Variants in NSG1 observed in about 807,000 individuals in gnomAD.
NSG1 encodes the protein neuronal vesicle trafficking associated 1.
In NSG1, 9 loss-of-function variants were observed where a neutral mutation model predicts 19.3. The observed-to-expected ratio is 0.47, with a 90% CI of 0.28 to 0.81. The LOEUF is 0.81. NSG1 is among the 40% of genes least tolerant of loss of function. The probability of loss-of-function intolerance (pLI) is 0.11; values close to 1 mark genes in which losing one functional copy is unlikely to be tolerated. For missense variants in NSG1, 236 were observed against 242.4 expected (o/e 0.97, Z 0.18); for synonymous variants, 104 against 107.0 (o/e 0.97, Z 0.17).
intron 3 of NSG1, among the ~76,000 whole-genome samples, chr4:4,407,876 G>A (rs1235887429): frequency 1.3e-5 from 2 of 152,170 alleles, no homozygotes; most frequent in African/African-American, 4.8e-5. Context: ...TCTGCACCCT[G>A]GGCCCTGGTG....
intron 2 of NSG1, among the ~76,000 whole-genome samples, chr4:4,391,133 T>C (rs543100293): frequency 1.8e-4 from 27 of 152,280 alleles, no homozygotes; most frequent in Admixed American, 1.2e-3. Flanking sequence ...CAAGCCAGGC[T>C]TTGGCTCTGG....
chr4:4,398,658 C>T (rs77199600), intron 3 of NSG1, among the ~76,000 whole-genome samples: 1,952 of 152,240 alleles, frequency 0.013, 39 homozygotes, highest in African/African-American at 0.044. Flanking sequence ...TCCATTGTAC[C>T]GATAGACCAC....
chr4:4,417,221 C>T lies in NSG1; in HGVS notation c.358-14C>T. ...TGCACCGACGCGTGCTCTCAGTGGC[C>T]TCTTGTCTTTCAGAACACCCAGTGC... On this transcript the variant is annotated splice_polypyrimidine_tract_variant and intron_variant, in intron 4 of 4. Transcript: ENST00000621129. 1.2e-6 allele frequency: 2 copies of T among 1,613,138 alleles called. No individual in the cohort carries two copies. The highest frequency in any genetic ancestry group is 1.7e-6 in the Non-Finnish European group (2 of 1,179,692).
intron 4 of NSG1, chr4:4,415,993 G>C: frequency 3.0e-6 from 2 of 666,226 alleles, no homozygotes; most frequent in South Asian, 1.7e-5. Flanking sequence ...CTGAGATCAA[G>C]ACGCTGTTGA....
In NSG1 at chr4:4,387,711, A is replaced by T; in HGVS notation, c.82A>T (p.Met28Leu). 1.9e-6 allele frequency: 3 copies of T among 1,613,454 alleles called. No homozygotes were observed. The highest frequency in any genetic ancestry group is 2.5e-6 in the Non-Finnish European group (3 of 1,179,534). Residue 28 changes from methionine to leucine, a missense_variant, in exon 2 of 5, where the codon ATG (methionine) becomes TTG (leucine). Physicochemically the swap from Met to Leu is conservative, Grantham distance 15 (BLOSUM62 2). Transcript: ENST00000621129. The stretch of plus-strand genomic sequence containing the variant: ...GGATGGCTTCGACACCATTCCCCTG[A>T]TGACGCCCCTCGATGTCAATCAGCT... ...LEDGFDTIPL[M>L]TPLDVNQLQF...
intron 2 of NSG1, among the ~76,000 whole-genome samples, chr4:4,390,514 G>A (rs902585928): frequency 6.6e-6 from 1 of 152,230 alleles, no homozygotes; most frequent in African/African-American, 2.4e-5. Flanking sequence ...CCACCATCGT[G>A]GAGAGCAGGT....
At chr4:4,388,606 C>G (rs1258441453) in intron 2 of NSG1, among the ~76,000 whole-genome samples, 1 of 152,232 alleles carries the variant, frequency 6.6e-6, no homozygotes, top group Admixed American at 6.5e-5. Flanking sequence ...CTGCCGCTTA[C>G]GAACCACCAC....
chr4:4,397,930 C>G (rs71597711), intron 3 of NSG1, among the ~76,000 whole-genome samples: 1 of 152,148 alleles, frequency 6.6e-6, no homozygotes, highest in African/African-American at 2.4e-5. Context: ...CCTCTCTCCT[C>G]TGGCCCATTC....
intron 3 of NSG1, among the ~76,000 whole-genome samples, chr4:4,400,099 T>G (rs1723469880): frequency 6.6e-6 from 1 of 152,250 alleles, no homozygotes; most frequent in South Asian, 2.1e-4. Flanking sequence ...AAGAGTTTTA[T>G]GGCTTAGCTT....
At chr4:4,417,204 C>G (rs368906073) in intron 4 of NSG1, 31 bp from the exon 5 acceptor site, 1 of 1,599,736 alleles carries the variant, frequency 6.3e-7, no homozygotes, top group Non-Finnish European at 8.6e-7. Context: ...CTTGCACCGA[C>G]GCGTGCTCTC....
At chr4:4,388,857 G>A (rs1227820992) in intron 2 of NSG1, among the ~76,000 whole-genome samples, 1 of 152,178 alleles carries the variant, frequency 6.6e-6, no homozygotes, top group South Asian at 2.1e-4. Flanking sequence ...GGCAGCGGGG[G>A]TTTCAGTTCA....
chr4:4,418,627 G>A lies in NSG1; in HGVS notation c.*1192G>A, dbSNP rs1724727597. On this transcript the variant is annotated 3_prime_UTR_variant, in exon 5 of 5. Transcript: ENST00000621129. Reference sequence around the variant, plus strand: ...TTTCTTCTATGTTATTGAATGTGTTGTTTCTGGTGTACGTGTCAAAAGTTT... The same window carrying A: ...TTTCTTCTATGTTATTGAATGTGTTATTTCTGGTGTACGTGTCAAAAGTTT... 6.6e-6 allele frequency: 1 copy of A among 152,610 alleles called. No homozygotes were observed. Among genetic ancestry groups the A allele is most frequent in the African/African-American group, 2.4e-5 (1 of 41,446 alleles). 9.5% of individuals were successfully genotyped at this position (152,610 alleles called of 1,614,324 possible).
rs943009964 is a variant in NSG1 at position 4,418,631 on chromosome 4, C to T, written c.*1196C>T. On this transcript the variant is annotated 3_prime_UTR_variant, in exon 5 of 5. Coordinates refer to ENST00000621129, the MANE Select transcript of NSG1 (RefSeq NM_014392.5). ...TTCTATGTTATTGAATGTGTTGTTT[C>T]TGGTGTACGTGTCAAAAGTTTCAGT... 2.6e-5 allele frequency: 4 copies of T among 152,548 alleles called. No individual in the cohort carries two copies. The highest frequency in any genetic ancestry group is 9.7e-5 in the African/African-American group (4 of 41,406). 9.4% of individuals were successfully genotyped at this position (152,548 alleles called of 1,614,324 possible). A position where few individuals can be genotyped will look rare whatever the true frequency, so the allele number is the denominator to read the frequency against.
intron 3 of NSG1, among the ~76,000 whole-genome samples, chr4:4,392,221 C>G (rs780196223): frequency 6.6e-6 from 1 of 151,894 alleles, no homozygotes; most frequent in East Asian, 1.9e-4. Flanking sequence ...CAGCCTGTCT[C>G]GGTGGGAGGA....
rs117753810 is a variant in NSG1, at chr4:4,410,835, C to T, written c.357+1152C>T. The stretch of plus-strand genomic sequence containing the variant: ...TTCTTCAGTAATAAATTAACCTGAG[C>T]TCACTGTAACCTTTTTACTTCATAA... On this transcript the variant is annotated intron_variant, in intron 4 of 4. Coordinates refer to ENST00000621129, the MANE Select transcript of NSG1 (RefSeq NM_014392.5). 3.0e-4 allele frequency among the ~76,000 whole-genome samples: 45 copies of T among 152,304 alleles called. No individual in the cohort carries two copies. The East Asian group carries it at 7.7e-3, about 26-fold the overall frequency.
At chr4:4,413,933 C>T (rs1724368266) in intron 4 of NSG1, among the ~76,000 whole-genome samples, 1 of 151,944 alleles carries the variant, frequency 6.6e-6, no homozygotes, top group Admixed American at 6.6e-5. Context: ...GAGCTAGTTA[C>T]TGAGGGAGGC....
At chr4:4,405,508 C>A (rs910757041) in intron 3 of NSG1, among the ~76,000 whole-genome samples, 32 of 152,014 alleles carry the variant, frequency 2.1e-4, no homozygotes, top group African/African-American at 7.5e-4. Context: ...AGATGTGGGG[C>A]CCAGAGAGGC....
At position 4,418,187 on chromosome 4, in the gene NSG1, G is replaced by A. The variant is rs1387569252; in HGVS notation, c.*752G>A. 1 of 152,596 alleles carries A rather than the reference G, an allele frequency of 6.6e-6. No individual in the cohort carries two copies. The highest frequency in any genetic ancestry group is 1.5e-5 in the Non-Finnish European group (1 of 68,346). The allele number at this position is 152,596 out of a possible 1,614,324, so 9.5% of individuals were successfully genotyped here. On this transcript the variant is annotated 3_prime_UTR_variant, in exon 5 of 5. Transcript: ENST00000621129. ...AGAGACGGCCCTGGGCCCGTGAGGT[G>A]CAGAACTCTCCCTGCAGGTAGTCTG...
chr4:4,396,243 G>GCAGTT (rs1018327642), intron 3 of NSG1, among the ~76,000 whole-genome samples: 2 of 152,054 alleles, frequency 1.3e-5, no homozygotes, highest in African/African-American at 4.8e-5. Context: ...GCCGCTGCTT[G>GCAGTT]CAGTTCTCCT....
Sources: allele counts gnomAD v4.1 joint callset (sites outside exome capture counted in the v4.1 genomes callset), GRCh38; gene constraint gnomAD v4.1.1; transcripts MANE v1.5; gene names NCBI Gene and HGNC (gene_info 2026-07-23, HGNC 2026-07-21).